AKAP7: variants seen among roughly 807,000 people sequenced by gnomAD.
The protein encoded by AKAP7 is A kinase (PRKA) anchor protein 7.
In AKAP7, 39 loss-of-function variants were observed where a neutral mutation model predicts 39.5. That is an observed-to-expected ratio of 0.99 (90% CI 0.76 to 1.29). The LOEUF (loss-of-function observed/expected upper bound fraction) is 1.29. Ranked by LOEUF, AKAP7 falls within the 50% of genes most tolerant of loss-of-function variation. The pLI is 0.00. For synonymous variants in AKAP7, 140 were observed against 139.1 expected, an observed-to-expected ratio of 1.01 and a Z score of -0.05; for missense variants, 414 against 407.7, an observed-to-expected ratio of 1.02 and a Z score of -0.13.
chr6:131,206,786 CATCTATCT>C (rs148815359), intron 6 of AKAP7, among the ~76,000 whole-genome samples: 11 of 151,196 alleles, frequency 7.3e-5, no homozygotes, highest in African/African-American at 1.7e-4. Flanking sequence ...TCCATCCATC[CATCTATCT>C]ATCTATCTAT....
chr6:131,176,950 CT>C (rs971343687), intron 5 of AKAP7, among the ~76,000 whole-genome samples: 21 of 152,178 alleles, frequency 1.4e-4, no homozygotes, highest in African/African-American at 4.8e-4. Context: ...ACTAGGATGG[CT>C]GCATTCACAG....
chr6:131,270,770 G>A (rs1378577496), intron 7 of AKAP7, among the ~76,000 whole-genome samples: 1 of 152,086 alleles, frequency 6.6e-6, no homozygotes, highest in Admixed American at 6.5e-5. Context: ...TCATTCTGTT[G>A]GGTGAGTAGT....
chr6:131,282,198 G>C lies in AKAP7; in HGVS notation c.*472G>C. On this transcript the variant is annotated 3_prime_UTR_variant, in exon 8 of 8. Coordinates refer to ENST00000431975, the MANE Select transcript of AKAP7 (RefSeq NM_016377.4). ...GTACAATTAGTCCATAATGTTTCAT[G>C]TTTGTCCTAAGTGTGCTGTTGCTAT... is the stretch of plus-strand genomic sequence containing the variant. 1 of 1,289,054 alleles carries C rather than the reference G, an allele frequency of 7.8e-7. No homozygotes were observed. Among genetic ancestry groups the C allele is most frequent in the Non-Finnish European group, 9.8e-7 (1 of 1,022,360 alleles). 79.9% of individuals were successfully genotyped at this position (1,289,054 alleles called of 1,614,324 possible). A position where few individuals can be genotyped will look rare whatever the true frequency, so the allele number is the denominator to read the frequency against.
At chr6:131,222,709 T>C (rs1334919043) in intron 7 of AKAP7, among the ~76,000 whole-genome samples, 1 of 152,174 alleles carries the variant, frequency 6.6e-6, no homozygotes, top group Non-Finnish European at 1.5e-5. Flanking sequence ...TCCTTAAACA[T>C]TGTTGAAATG....
At chr6:131,214,720 C>T (rs1030853098) in intron 6 of AKAP7, among the ~76,000 whole-genome samples, 9 of 152,052 alleles carry the variant, frequency 5.9e-5, no homozygotes, top group Admixed American at 3.9e-4. Context: ...ATATTAAGGG[C>T]ATGTATTTTA....
chr6:131,172,208 A>C (rs924726742), intron 5 of AKAP7, among the ~76,000 whole-genome samples: 3 of 152,224 alleles, frequency 2.0e-5, no homozygotes, highest in Non-Finnish European at 4.4e-5. Flanking sequence ...AAATAATTAA[A>C]GTATTTTTTA....
At chr6:131,275,350 A>G (rs1272614241) in intron 7 of AKAP7, among the ~76,000 whole-genome samples, 1 of 152,226 alleles carries the variant, frequency 6.6e-6, no homozygotes, top group East Asian at 1.9e-4. Flanking sequence ...GGTCACGGAC[A>G]AGGTTGTGCA....
intron 7 of AKAP7, among the ~76,000 whole-genome samples, chr6:131,224,828 A>G (rs750296114): frequency 1.4e-5 from 2 of 138,670 alleles, no homozygotes; most frequent in Admixed American, 8.1e-5. Context: ...CACAACCTCT[A>G]CAACCTCCAC....
chr6:131,252,099 G>A (rs190472748), intron 7 of AKAP7, among the ~76,000 whole-genome samples: 4 of 152,258 alleles, frequency 2.6e-5, no homozygotes, highest in Admixed American at 6.5e-5. Context: ...ATCTGAAGAC[G>A]TCAAGTTTCA....
chr6:131,231,874 C>T (rs1288602914), intron 7 of AKAP7, among the ~76,000 whole-genome samples: 1 of 152,032 alleles, frequency 6.6e-6, no homozygotes, highest in Non-Finnish European at 1.5e-5. Context: ...TGAAACATGC[C>T]TTCTAAAAAG....
At chr6:131,277,150 G>A (rs1814811913) in intron 7 of AKAP7, among the ~76,000 whole-genome samples, 1 of 152,108 alleles carries the variant, frequency 6.6e-6, no homozygotes, top group South Asian at 2.1e-4. Flanking sequence ...TACAGAGAGT[G>A]GAATTGCTTA....
the AKAP7 span, among the ~76,000 whole-genome samples, chr6:131,127,165 C>G: frequency 6.6e-6 from 1 of 152,026 alleles, no homozygotes; most frequent in Non-Finnish European, 1.5e-5. Flanking sequence ...CCTGCCTTAG[C>G]CTCCTGAGTA....
rs534929098 is a variant in AKAP7, at chr6:131,237,218, T to G, written c.850+17410T>G. ...TATGCTGGATTATGTTTATTGATTT[T>G]CGTATGTTGAACCAGCCTTGCATCC... On this transcript the variant is annotated intron_variant, in intron 7 of 7. Coordinates refer to ENST00000431975, the MANE Select transcript of AKAP7 (RefSeq NM_016377.4). 2.8e-3 allele frequency among the ~76,000 whole-genome samples: 428 copies of G among 152,276 alleles called. 2 individuals carry two copies. The highest frequency in any genetic ancestry group is 9.9e-3 in the African/African-American group (413 of 41,572).
chr6:131,143,578 A>G (rs983090030), intron 1 of AKAP7, among the ~76,000 whole-genome samples: 1 of 152,134 alleles, frequency 6.6e-6, no homozygotes, highest in African/African-American at 2.4e-5. Context: ...GAAATTACCC[A>G]GCCTCAGGTA....
intron 7 of AKAP7, among the ~76,000 whole-genome samples, chr6:131,246,635 G>A (rs1562241288): frequency 1.3e-5 from 2 of 152,180 alleles, no homozygotes; most frequent in East Asian, 3.9e-4. Flanking sequence ...TAATTGAGTC[G>A]TTTTTCCAAG....
chr6:131,199,720 G>C (rs1807330705), intron 6 of AKAP7, 147 bp downstream of exon 6: 1 of 685,144 alleles, frequency 1.5e-6, no homozygotes, highest in South Asian at 1.7e-5. Context: ...TCCCAGGGGT[G>C]CTGAGGATGC....
At chr6:131,149,286 T>C (rs1259201357) in intron 2 of AKAP7, among the ~76,000 whole-genome samples, 2 of 152,214 alleles carry the variant, frequency 1.3e-5, no homozygotes, top group Admixed American at 6.5e-5. Flanking sequence ...TATGAGAATA[T>C]AAAAGTATAT....
Position 131,236,830 on chromosome 6 carries a change from A to G in AKAP7, c.850+17022A>G, listed in dbSNP as rs559812201. On this transcript the variant is annotated intron_variant, in intron 7 of 7. Coordinates refer to ENST00000431975, the MANE Select transcript of AKAP7 (RefSeq NM_016377.4). ...GCTGAGACGATGGCGTTTTCTAGAT[A>G]TACAATCATGTCATCTGCAAACAGG... 9.8e-4 allele frequency among the ~76,000 whole-genome samples: 150 copies of G among 152,336 alleles called. 2 individuals carry two copies. Among genetic ancestry groups the G allele is most frequent in the African/African-American group, 3.4e-3 (142 of 41,580 alleles).
At chr6:131,133,025 C>T (rs937194013), upstream of AKAP7, among the ~76,000 whole-genome samples, 7 of 152,136 alleles carry the variant, frequency 4.6e-5, no homozygotes, top group Non-Finnish European at 8.8e-5. Flanking sequence ...ATCTTTGCAT[C>T]AATCAGTTAT....
Sources: gnomAD v4.1 joint callset for allele counts (sites outside exome capture counted in the v4.1 genomes callset) on GRCh38, gnomAD v4.1.1 for gene constraint, MANE v1.5 for transcripts, NCBI Gene and HGNC (gene_info 2026-07-23, HGNC 2026-07-21) for gene names.